Variants in LRRTM4 observed in about 807,000 individuals in gnomAD.
LRRTM4 encodes leucine-rich repeat transmembrane neuronal protein 4.
Under a neutral mutation model 47.6 loss-of-function variants are expected in LRRTM4, and 25 were observed. The ratio of observed to expected loss-of-function variants is 0.53; its 90% CI spans 0.38 to 0.73. The LOEUF is 0.73. LRRTM4 is among the 30% of genes least tolerant of loss of function. The pLI is 0.00. For missense variants in LRRTM4, 638 were observed against 713.4 expected (o/e 0.89, Z 1.20); for synonymous variants, 311 against 269.5 (o/e 1.15, Z -1.51).
intron 3 of LRRTM4, among the ~76,000 whole-genome samples, chr2:76,800,622 G>C (rs1312844204): frequency 2.2e-5 from 3 of 136,752 alleles, no homozygotes; most frequent in African/African-American, 8.5e-5. Flanking sequence ...TTAAACTAAA[G>C]AGCTTCTGCA....
intron 3 of LRRTM4, among the ~76,000 whole-genome samples, chr2:77,105,963 C>T (rs1054517343): frequency 6.6e-6 from 1 of 152,242 alleles, no homozygotes; most frequent in Admixed American, 6.5e-5. Flanking sequence ...AAACAACTTT[C>T]TCCATGAAAT....
At chr2:77,133,644 T>A (rs1296051715) in intron 3 of LRRTM4, among the ~76,000 whole-genome samples, 2 of 152,206 alleles carry the variant, frequency 1.3e-5, no homozygotes, top group African/African-American at 4.8e-5. Flanking sequence ...TGTGTCATAC[T>A]AAATTATATT....
intron 3 of LRRTM4, among the ~76,000 whole-genome samples, chr2:76,770,539 ATGTT>A (rs1202395793): frequency 6.6e-6 from 1 of 152,110 alleles, no homozygotes; most frequent in African/African-American, 2.4e-5. Flanking sequence ...CTCTATTTAA[ATGTT>A]TGTTAATGTT....
At chr2:76,894,359 T>C (rs78703600) in intron 3 of LRRTM4, among the ~76,000 whole-genome samples, 1 of 152,188 alleles carries the variant, frequency 6.6e-6, no homozygotes, top group Non-Finnish European at 1.5e-5. Flanking sequence ...GCATGCTGTT[T>C]GTAAAAATAC....
chr2:77,422,421 A>ATTTGT (rs1674937371), intron 3 of LRRTM4, among the ~76,000 whole-genome samples: 1 of 152,188 alleles, frequency 6.6e-6, no homozygotes, highest in African/African-American at 2.4e-5. Context: ...TGGTACCAGC[A>ATTTGT]AGTTGCAATT....
At chr2:77,456,237 T>C (rs575599248) in intron 3 of LRRTM4, among the ~76,000 whole-genome samples, 104 of 152,292 alleles carry the variant, frequency 6.8e-4, no homozygotes, top group African/African-American at 2.4e-3. Flanking sequence ...CTATTTACTA[T>C]GCTACCCTAA....
intron 3 of LRRTM4, among the ~76,000 whole-genome samples, chr2:77,198,771 G>A (rs774185087): frequency 2.6e-5 from 4 of 152,138 alleles, no homozygotes; most frequent in Non-Finnish European, 4.4e-5. Context: ...CTCCTCTACA[G>A]AGCCTTCTGC....
intron 3 of LRRTM4, among the ~76,000 whole-genome samples, chr2:77,438,393 ATTTTTTTTTTTTTT>A (rs70956631): frequency 2.6e-3 from 257 of 100,178 alleles, no homozygotes; most frequent in Middle Eastern, 5.8e-3. Flanking sequence ...GATCATGATA[ATTTTTTTTTTTTTT>A]TTTTTTTTTT....
At position 77,096,553 on chromosome 2, in the gene LRRTM4, C is replaced by T. The variant is rs147645224; in HGVS notation, c.1552-347637G>A. Among the ~76,000 whole-genome samples, 206 of 151,130 alleles carry T rather than the reference C, an allele frequency of 1.4e-3. 1 individual carries two copies. The highest frequency in any genetic ancestry group is 2.3e-3 in the Non-Finnish European group (158 of 67,550). On this transcript the variant is annotated intron_variant, in intron 3 of 3. Transcript: ENST00000409884. ...TATATTAAAAGTCGAGAATAAAAGACAAAATGAGAGTTAAATAATGTCTGA... is the reference window on the plus strand; with the variant it reads ...TATATTAAAAGTCGAGAATAAAAGATAAAATGAGAGTTAAATAATGTCTGA...
At chr2:77,109,782 C>T (rs1346574866) in intron 3 of LRRTM4, among the ~76,000 whole-genome samples, 1 of 151,098 alleles carries the variant, frequency 6.6e-6, no homozygotes, top group East Asian at 1.9e-4. Flanking sequence ...AGGAAGAAGG[C>T]TCAAAACATA....
chr2:77,172,389 G>T (rs997532085), intron 3 of LRRTM4, among the ~76,000 whole-genome samples: 54 of 152,216 alleles, frequency 3.5e-4, no homozygotes, highest in African/African-American at 1.3e-3. Context: ...GAGATCAGGA[G>T]TTCGAGACTA....
intron 3 of LRRTM4, among the ~76,000 whole-genome samples, chr2:76,869,720 C>T (rs1296142487): frequency 2.6e-5 from 4 of 151,506 alleles, no homozygotes; most frequent in African/African-American, 9.7e-5. Context: ...TACTTAACCT[C>T]GAAAATAGGA....
chr2:76,973,990 T>G (rs1676310018), intron 3 of LRRTM4, among the ~76,000 whole-genome samples: 1 of 151,760 alleles, frequency 6.6e-6, no homozygotes, highest in East Asian at 1.9e-4. Flanking sequence ...TGGAGCCTAA[T>G]GTACTGTCCA....
chr2:77,475,777 G>C (rs940985434), intron 3 of LRRTM4, among the ~76,000 whole-genome samples: 8 of 150,984 alleles, frequency 5.3e-5, no homozygotes, highest in Admixed American at 6.6e-5. Flanking sequence ...ATTAGTTTTT[G>C]GTGTAATTAG....
At chr2:77,284,731 T>A (rs1323719707) in intron 3 of LRRTM4, among the ~76,000 whole-genome samples, 2 of 152,110 alleles carry the variant, frequency 1.3e-5, no homozygotes, top group Admixed American at 1.3e-4. Context: ...CTCAATATGG[T>A]GCTTGCTTGC....
intron 3 of LRRTM4, among the ~76,000 whole-genome samples, chr2:77,204,358 G>T (rs1002454012): frequency 3.9e-5 from 6 of 151,954 alleles, no homozygotes; most frequent in African/African-American, 1.5e-4. Flanking sequence ...AAATACTGAT[G>T]ATGATGACAA....
intron 3 of LRRTM4, among the ~76,000 whole-genome samples, chr2:77,029,034 C>G (rs1321564963): frequency 1.1e-5 from 1 of 90,962 alleles, no homozygotes; most frequent in East Asian, 3.5e-4. Flanking sequence ...GAGTCCATCA[C>G]ACACACACAC....
At chr2:76,752,844 G>C (rs1672898618) in intron 3 of LRRTM4, among the ~76,000 whole-genome samples, 1 of 152,082 alleles carries the variant, frequency 6.6e-6, no homozygotes, top group Non-Finnish European at 1.5e-5. Context: ...TGTGTTCTCA[G>C]AGCCTCTCCA....
At chr2:77,417,911 TA>T (rs201947664) in intron 3 of LRRTM4, among the ~76,000 whole-genome samples, 2 of 151,968 alleles carry the variant, frequency 1.3e-5, no homozygotes, top group South Asian at 2.1e-4. Flanking sequence ...TAAAGTATAA[TA>T]AAAAAAGAAA....
Sources: gnomAD v4.1 joint callset for allele counts (sites outside exome capture counted in the v4.1 genomes callset) on GRCh38, gnomAD v4.1.1 for gene constraint, MANE v1.5 for transcripts, NCBI Gene and HGNC (gene_info 2026-07-23, HGNC 2026-07-21) for gene names.